The following RFTN1 variants were observed in gnomAD, a reference collection of about 807,000 sequenced individuals.
The protein encoded by RFTN1 is raftlin.
Under a neutral mutation model 46.5 loss-of-function variants are expected in RFTN1, and 26 were observed. The ratio of observed to expected loss-of-function variants is 0.56; its 90% CI spans 0.41 to 0.78. RFTN1 has a LOEUF of 0.78. RFTN1 is among the 30% of genes least tolerant of loss of function. The probability of loss-of-function intolerance (pLI) is 0.00; values close to 1 mark genes in which losing one functional copy is unlikely to be tolerated. For synonymous variants in RFTN1, 261 were observed against 284.2 expected (o/e 0.92, Z 0.82); for missense variants, 693 against 718.7 (o/e 0.96, Z 0.41).
chr3:16,470,674 C>T (rs1269621223), intron 2 of RFTN1, among the ~76,000 whole-genome samples: 1 of 152,162 alleles, frequency 6.6e-6, no homozygotes, highest in African/African-American at 2.4e-5. Context: ...AGCTGCCACC[C>T]AAGAGACAGA....
At position 16,479,943 on chromosome 3, in the gene RFTN1, T is replaced by C. The variant is rs2076338053; in HGVS notation, c.145+13782A>G. ...GACTCTATTAGGGCTATACCCAAGC[T>C]GGCCTGGTTTCCAGATATAGGAGAA... is the stretch of plus-strand genomic sequence containing the variant. On this transcript the variant is annotated intron_variant, in intron 2 of 9. Coordinates refer to ENST00000334133, the MANE Select transcript of RFTN1 (RefSeq NM_015150.2). The surrounding 1 kb of genome is among the most constrained non-coding windows in gnomAD (Gnocchi z 5.1). Among the ~76,000 whole-genome samples the C allele has an allele frequency of 6.6e-6, 1 of 152,226 alleles. No homozygotes were observed. Among genetic ancestry groups the C allele is most frequent in the Non-Finnish European group, 1.5e-5 (1 of 68,034 alleles).
chr3:16,448,318 A>T lies in RFTN1; in HGVS notation c.146-14281T>A, dbSNP rs2124898770. Among the ~76,000 whole-genome samples the T allele has an allele frequency of 6.6e-6, 1 of 152,332 alleles. No homozygotes were observed. Among genetic ancestry groups the T allele is most frequent in the South Asian group, 2.1e-4 (1 of 4,826 alleles). On this transcript the variant is annotated intron_variant, in intron 2 of 9. Coordinates refer to ENST00000334133, the MANE Select transcript of RFTN1 (RefSeq NM_015150.2). The surrounding 1 kb of genome is among the most constrained non-coding windows in gnomAD (Gnocchi z 4.1). ...TATTTCTATTGGACTGCTCTGTCCT[A>T]GAACCTTTTGTTTTAAACAGATGCA...
chr3:16,485,425 A>ACAAGGACTCCATACATACAACAG (rs1559370519), intron 2 of RFTN1, among the ~76,000 whole-genome samples: 3 of 150,460 alleles, frequency 2.0e-5, no homozygotes, highest in East Asian at 3.9e-4. Flanking sequence ...ATATACAACA[A>ACAAGGACTCCATACATACAACAG]CAAGGACTCC....
chr3:16,333,824 C>A (rs1434743130), intron 7 of RFTN1, among the ~76,000 whole-genome samples: 2 of 152,278 alleles, frequency 1.3e-5, no homozygotes, highest in East Asian at 3.9e-4. Flanking sequence ...GATTCAAACA[C>A]CCACTAAGTG....
Position 16,316,440 on chromosome 3 carries a change from G to C in RFTN1, c.*388C>G. ...CCCACACGATGTGGGATGAACAGCAGCCTTGGTTTGTAGCCCAGGGTGTCC... is the reference window on the plus strand; with the variant it reads ...CCCACACGATGTGGGATGAACAGCACCCTTGGTTTGTAGCCCAGGGTGTCC... On this transcript the variant is annotated 3_prime_UTR_variant, in exon 10 of 10. Coordinates refer to ENST00000334133, the MANE Select transcript of RFTN1 (RefSeq NM_015150.2). The surrounding 1 kb of genome is among the most constrained non-coding windows in gnomAD (Gnocchi z 4.5). 1 of 281,660 alleles carries C rather than the reference G, an allele frequency of 3.6e-6. No individual in the cohort carries two copies. The highest frequency in any genetic ancestry group is 6.8e-6 in the Non-Finnish European group (1 of 146,734). 17.4% of individuals were successfully genotyped at this position (281,660 alleles called of 1,614,324 possible).
intron 6 of RFTN1, among the ~76,000 whole-genome samples, chr3:16,364,477 G>A (rs1230634148): frequency 6.6e-6 from 1 of 152,082 alleles, no homozygotes; most frequent in Non-Finnish European, 1.5e-5. Context: ...GAGGCACCGG[G>A]GGTAGGTGCT....
At position 16,425,154 on chromosome 3, in the gene RFTN1, T is replaced by C. The variant is rs777701975; in HGVS notation, c.332+8697A>G. ...TTTGCAACTAAATTACCTACACTTATGCATACGATTCTCAAAATCATGTCC... is the reference window on the plus strand; with the variant it reads ...TTTGCAACTAAATTACCTACACTTACGCATACGATTCTCAAAATCATGTCC... On this transcript the variant is annotated intron_variant, in intron 3 of 9. Transcript: ENST00000334133. The surrounding 1 kb of genome is among the most constrained non-coding windows in gnomAD (Gnocchi z 4.3). 9.9e-5 allele frequency among the ~76,000 whole-genome samples: 15 copies of C among 152,228 alleles called. No individual in the cohort carries two copies. Among genetic ancestry groups the C allele is most frequent in the Admixed American group, 2.6e-4 (4 of 15,284 alleles).
rs1311302853 is a variant in RFTN1 at position 16,338,252 on chromosome 3, C to G, written c.1147-11376G>C. The stretch of plus-strand genomic sequence containing the variant: ...ATCAGGGGTGTCTGCCCACACACAC[C>G]TGCATGAGCAGAATGAGAACCAGGC... On this transcript the variant is annotated intron_variant, in intron 7 of 9. Coordinates refer to ENST00000334133, the MANE Select transcript of RFTN1 (RefSeq NM_015150.2). This position sits in a 1 kb window ranked among gnomAD's most constrained non-coding sequence, Gnocchi z 5.3. 6.6e-6 allele frequency among the ~76,000 whole-genome samples: 1 copy of G among 152,222 alleles called. No individual in the cohort carries two copies. The highest frequency in any genetic ancestry group is 2.4e-5 in the African/African-American group (1 of 41,466).
chr3:16,473,274 TG>T lies in RFTN1; in HGVS notation c.145+20450del, dbSNP rs36099461. On this transcript the variant is annotated intron_variant, in intron 2 of 9. Transcript: ENST00000334133. This position sits in a 1 kb window ranked among gnomAD's most constrained non-coding sequence, Gnocchi z 5.3. ...TGATACCAGGTGACTGGGTGTGCTGTGGGGTGCCAAATGTCCACATATTGAT... is the reference window on the plus strand; with the variant it reads ...TGATACCAGGTGACTGGGTGTGCTGTGGGTGCCAAATGTCCACATATTGAT... Among the ~76,000 whole-genome samples the T allele has an allele frequency of 0.075, 11,366 of 152,252 alleles. 590 individuals carry two copies. The highest frequency in any genetic ancestry group is 0.13 in the Middle Eastern group (39 of 294).
In RFTN1 at chr3:16,459,465, G is replaced by A. The variant is rs567424597; in HGVS notation, c.146-25428C>T. Among the ~76,000 whole-genome samples the A allele has an allele frequency of 1.5e-4, 23 of 152,230 alleles. No homozygotes were observed. Among genetic ancestry groups the A allele is most frequent in the Admixed American group, 3.9e-4 (6 of 15,288 alleles). ...TTAAAAATGAGCCAGGAATAGCAGC[G>A]TGTGCCTTTATCCCAGCTACTTGGA... On this transcript the variant is annotated intron_variant, in intron 2 of 9. Coordinates refer to ENST00000334133, the MANE Select transcript of RFTN1 (RefSeq NM_015150.2). The surrounding 1 kb of genome is among the most constrained non-coding windows in gnomAD (Gnocchi z 4.2).
At position 16,451,732 on chromosome 3, in the gene RFTN1, A is replaced by G. The variant is rs2075826479; in HGVS notation, c.146-17695T>C. On this transcript the variant is annotated intron_variant, in intron 2 of 9. Transcript: ENST00000334133. The surrounding 1 kb of genome is among the most constrained non-coding windows in gnomAD (Gnocchi z 4.2). ...GTGTGACAGCAAAACTACTAGCGTG[A>G]TTTTTTTTTCCTTCCTCACAATTTC... Among the ~76,000 whole-genome samples the G allele has an allele frequency of 6.6e-6, 1 of 151,550 alleles. No homozygotes were observed. The highest frequency in any genetic ancestry group is 6.6e-5 in the Admixed American group (1 of 15,226).
chr3:16,380,320 C>G lies in RFTN1; in HGVS notation c.442-2218G>C. ...ATGGCAAGTGCGCCAAAGGATGGGGCACAAAGACGGTATCTCTAACCTCTC... is the reference window on the plus strand; with the variant it reads ...ATGGCAAGTGCGCCAAAGGATGGGGGACAAAGACGGTATCTCTAACCTCTC... On this transcript the variant is annotated intron_variant, in intron 4 of 9. Coordinates refer to ENST00000334133, the MANE Select transcript of RFTN1 (RefSeq NM_015150.2). This position sits in a 1 kb window ranked among gnomAD's most constrained non-coding sequence, Gnocchi z 4.8. 6.6e-6 allele frequency among the ~76,000 whole-genome samples: 1 copy of G among 152,202 alleles called. No homozygotes were observed. The highest frequency in any genetic ancestry group is 1.9e-4 in the East Asian group (1 of 5,202).
chr3:16,495,696 C>G (rs1445023400), intron 1 of RFTN1, among the ~76,000 whole-genome samples: 1 of 152,196 alleles, frequency 6.6e-6, no homozygotes, highest in Non-Finnish European at 1.5e-5. Context: ...TTTGGCAGGC[C>G]AGAGAGGCAG....
At position 16,448,232 on chromosome 3, in the gene RFTN1, T is replaced by TTTAATGTG. The variant is rs2075768205; in HGVS notation, c.146-14196_146-14195insCACATTAA. On this transcript the variant is annotated intron_variant, in intron 2 of 9. Coordinates refer to ENST00000334133, the MANE Select transcript of RFTN1 (RefSeq NM_015150.2). This position sits in a 1 kb window ranked among gnomAD's most constrained non-coding sequence, Gnocchi z 4.1. ...AATATATCATGAAAATTAACTTGCCTGTTTTTATTTTTTAATGTGGTTACT... is the reference window on the plus strand; with the variant it reads ...AATATATCATGAAAATTAACTTGCCTTTAATGTGGTTTTTATTTTTTAATGTGGTTACT... 1.3e-5 allele frequency among the ~76,000 whole-genome samples: 2 copies of TTTAATGTG among 152,228 alleles called. No homozygotes were observed.
At position 16,326,788 on chromosome 3, in the gene RFTN1, A is replaced by G. The variant is rs954950008; in HGVS notation, c.1235T>C (p.Val412Ala). The G allele has an allele frequency of 1.5e-5, 24 of 1,613,852 alleles. No homozygotes were observed. The highest frequency in any genetic ancestry group is 1.9e-5 in the Non-Finnish European group (23 of 1,179,872). The change falls in exon 8 of 10, where the codon GTC (valine) becomes GCC (alanine). Residue 412 changes from valine to alanine, a missense_variant. By Grantham distance (64) the Val-to-Ala change is moderately conservative (BLOSUM62 0). Transcript: ENST00000334133. ...TTATTGTTACCTGGTAGTCTTGACG[A>G]CGGGAGTTGGTAGCACACAGGTGAG... ...WQLTCVLPTP[V>A]VKTTSEGSVS...
rs1181498031 is a variant in RFTN1 at position 16,383,927 on chromosome 3, C to G, written c.442-5825G>C. Among the ~76,000 whole-genome samples, 1 of 152,206 alleles carries G rather than the reference C, an allele frequency of 6.6e-6. No homozygotes were observed. The highest frequency in any genetic ancestry group is 6.5e-5 in the Admixed American group (1 of 15,286). ...CACAGTTAATTTTATGTCCACTTGA[C>G]TGAACTATGGTGACCAATTGTTTGG... On this transcript the variant is annotated intron_variant, in intron 4 of 9. Coordinates refer to ENST00000334133, the MANE Select transcript of RFTN1 (RefSeq NM_015150.2). This position sits in a 1 kb window ranked among gnomAD's most constrained non-coding sequence, Gnocchi z 4.0.
At position 16,450,635 on chromosome 3, in the gene RFTN1, G is replaced by A. The variant is rs1278048703; in HGVS notation, c.146-16598C>T. ...CTGTCTCTAACTGCTCCTGAGGCAG[G>A]ACAGGCACCCCAAACCAGGATTAAA... On this transcript the variant is annotated intron_variant, in intron 2 of 9. Transcript: ENST00000334133. This position sits in a 1 kb window ranked among gnomAD's most constrained non-coding sequence, Gnocchi z 4.6. Among the ~76,000 whole-genome samples, 1 of 152,178 alleles carries A rather than the reference G, an allele frequency of 6.6e-6. No homozygotes were observed. Among genetic ancestry groups the A allele is most frequent in the Non-Finnish European group, 1.5e-5 (1 of 68,036 alleles).
rs921450795 is a variant in RFTN1 at position 16,321,793 on chromosome 3, T to C, written c.1332+1583A>G. Among the ~76,000 whole-genome samples the C allele has an allele frequency of 3.9e-5, 6 of 152,218 alleles. No homozygotes were observed. Among genetic ancestry groups the C allele is most frequent in the African/African-American group, 1.2e-4 (5 of 41,454 alleles). Reference sequence around the variant, plus strand: ...AAAAAACAGTGGGTCCCATCCTCTCTGAATTTTCCCTGAGGAGAGTCAGTT... The same window carrying C: ...AAAAAACAGTGGGTCCCATCCTCTCCGAATTTTCCCTGAGGAGAGTCAGTT... On this transcript the variant is annotated intron_variant, in intron 9 of 9. Transcript: ENST00000334133. The surrounding 1 kb of genome is among the most constrained non-coding windows in gnomAD (Gnocchi z 4.8).
intron 4 of RFTN1, among the ~76,000 whole-genome samples, chr3:16,392,677 A>G (rs1290288091): frequency 1.9e-5 from 2 of 106,068 alleles, no homozygotes; most frequent in Non-Finnish European, 3.6e-5. Context: ...ACACACACAC[A>G]CACATATATA....
Sources: allele counts gnomAD v4.1 joint callset (sites outside exome capture counted in the v4.1 genomes callset), GRCh38; gene constraint gnomAD v4.1.1; non-coding constraint Gnocchi (gnomAD v3.1); transcripts MANE v1.5; gene names NCBI Gene and HGNC (gene_info 2026-07-23, HGNC 2026-07-21).